The following MAGI2 variants were observed in gnomAD, a reference collection of about 807,000 sequenced individuals.
MAGI2 encodes membrane-associated guanylate kinase, WW and PDZ domain-containing protein 2.
MAGI2 carries 35 observed loss-of-function variants against 133.3 expected under a neutral mutation model. The observed-to-expected ratio is 0.26, with a 90% CI of 0.20 to 0.35. The LOEUF is 0.35. Among genes scored for constraint, MAGI2 ranks in the 10% least tolerant of loss-of-function variants. The probability of loss-of-function intolerance (pLI) is 1.00; values close to 1 mark genes in which losing one functional copy is unlikely to be tolerated. For missense variants in MAGI2, 1,636 were observed against 1,863.4 expected (o/e 0.88, Z 2.25); for synonymous variants, 729 against 710.6 (o/e 1.03, Z -0.41).
intron 6 of MAGI2, among the ~76,000 whole-genome samples, chr7:78,403,107 C>T (rs561385357): frequency 6.2e-4 from 94 of 152,220 alleles, no homozygotes; most frequent in Admixed American, 1.1e-3. Context: ...CCCATTAACT[C>T]GTCATTTACA....
At chr7:78,867,945 A>G (rs1424914664) in intron 2 of MAGI2, among the ~76,000 whole-genome samples, 1 of 152,088 alleles carries the variant, frequency 6.6e-6, no homozygotes, top group Non-Finnish European at 1.5e-5. Context: ...ACACAGCAGG[A>G]GTGATAATAA....
chr7:78,169,648 T>C (rs1489503099), intron 14 of MAGI2, among the ~76,000 whole-genome samples: 1 of 152,224 alleles, frequency 6.6e-6, no homozygotes, highest in Non-Finnish European at 1.5e-5. Flanking sequence ...ACACTACTTC[T>C]GCTTTCCCCT....
intron 20 of MAGI2, among the ~76,000 whole-genome samples, chr7:78,090,907 A>G (rs1223899342): frequency 6.6e-6 from 1 of 152,248 alleles, no homozygotes; most frequent in East Asian, 1.9e-4. Context: ...TCCTGTGAGA[A>G]GCACTGGGAA....
chr7:79,201,457 T>A (rs1292948280), intron 1 of MAGI2, among the ~76,000 whole-genome samples: 1 of 152,044 alleles, frequency 6.6e-6, no homozygotes, highest in East Asian at 1.9e-4. Context: ...TCAATATCAA[T>A]CTTTCTTTGG....
chr7:78,167,840 A>C, intron 15 of MAGI2, 76 bp downstream of exon 15: 2 of 1,380,718 alleles, frequency 1.4e-6, no homozygotes, highest in Non-Finnish European at 2.0e-6. Context: ...ATTTTGTTTC[A>C]TGTGGCCTTA....
At chr7:78,856,588 T>A (rs1242688084) in intron 2 of MAGI2, among the ~76,000 whole-genome samples, 1 of 152,172 alleles carries the variant, frequency 6.6e-6, no homozygotes, top group African/African-American at 2.4e-5. Context: ...TTCCGAGGGC[T>A]CTGTTCTGTT....
chr7:78,842,351 T>C (rs926726876), intron 2 of MAGI2, among the ~76,000 whole-genome samples: 1 of 151,944 alleles, frequency 6.6e-6, no homozygotes, highest in Non-Finnish European at 1.5e-5. Flanking sequence ...ATACAAATAC[T>C]TTTCTAAATT....
chr7:79,144,811 C>T (rs1000233737), intron 1 of MAGI2, among the ~76,000 whole-genome samples: 5 of 152,242 alleles, frequency 3.3e-5, no homozygotes, highest in East Asian at 1.9e-4. Context: ...CACAGTTTGC[C>T]GTTTAAAATT....
intron 2 of MAGI2, among the ~76,000 whole-genome samples, chr7:78,867,545 G>A (rs575283630): frequency 3.1e-4 from 44 of 142,782 alleles, no homozygotes; most frequent in African/African-American, 9.4e-4. Flanking sequence ...CTGCTGTGGC[G>A]TGGGGGGAGG....
chr7:78,521,331 ATG>A, intron 4 of MAGI2, 97 bp downstream of exon 4: 1 of 736,082 alleles, frequency 1.4e-6, no homozygotes, highest in South Asian at 1.9e-5. Flanking sequence ...TTATCTTACT[ATG>A]TATCTGTATA....
chr7:79,239,659 C>T (rs907305289), intron 1 of MAGI2, among the ~76,000 whole-genome samples: 4 of 152,158 alleles, frequency 2.6e-5, no homozygotes, highest in Non-Finnish European at 4.4e-5. Flanking sequence ...TGTTACTCTC[C>T]TACTGGACAT....
chr7:78,452,666 T>A (rs747561745), intron 6 of MAGI2, among the ~76,000 whole-genome samples: 5 of 151,580 alleles, frequency 3.3e-5, no homozygotes, highest in Non-Finnish European at 5.9e-5. Context: ...AAAGCAACCA[T>A]CCCTTTAAGA....
intron 2 of MAGI2, among the ~76,000 whole-genome samples, chr7:78,828,064 T>C (rs1241142318): frequency 6.6e-6 from 1 of 152,168 alleles, no homozygotes; most frequent in Non-Finnish European, 1.5e-5. Context: ...TTTGTATTTT[T>C]AGTAGAGACA....
rs1475893592 is a variant in MAGI2, at chr7:79,272,752, A to G, written c.301+180268T>C. 2.6e-5 allele frequency among the ~76,000 whole-genome samples: 4 copies of G among 152,040 alleles called. No individual in the cohort carries two copies. The South Asian group carries it at 6.2e-4, about 24-fold the overall frequency. On this transcript the variant is annotated intron_variant, in intron 1 of 21. Coordinates refer to ENST00000354212, the MANE Select transcript of MAGI2 (RefSeq NM_012301.4). Reference sequence around the variant, plus strand: ...TATTAATCTAATACCATAGTACTCTATGACTTAAACAAAACATAGAGTTTT... The same window carrying G: ...TATTAATCTAATACCATAGTACTCTGTGACTTAAACAAAACATAGAGTTTT...
chr7:79,270,406 G>A (rs1435134847), intron 1 of MAGI2, among the ~76,000 whole-genome samples: 1 of 152,160 alleles, frequency 6.6e-6, no homozygotes, highest in African/African-American at 2.4e-5. Context: ...TAGATGATCA[G>A]TTTCCTAACT....
At chr7:78,921,299 A>G (rs947979502) in intron 2 of MAGI2, among the ~76,000 whole-genome samples, 1 of 152,150 alleles carries the variant, frequency 6.6e-6, no homozygotes, top group East Asian at 1.9e-4. Flanking sequence ...CCACGTTCCT[A>G]AAGATATGAG....
At chr7:78,542,669 C>T (rs191946807) in intron 3 of MAGI2, among the ~76,000 whole-genome samples, 39 of 152,232 alleles carry the variant, frequency 2.6e-4, no homozygotes, top group Non-Finnish European at 4.6e-4. Flanking sequence ...AAAGAAGGAG[C>T]ATGTAGGCAC....
intron 2 of MAGI2, among the ~76,000 whole-genome samples, chr7:78,926,567 C>G (rs1301277284): frequency 1.3e-5 from 2 of 151,964 alleles, no homozygotes; most frequent in Non-Finnish European, 2.9e-5. Flanking sequence ...AATGCCCTTC[C>G]CAAGATTCCT....
At chr7:78,771,151 C>CCTCTCT in intron 2 of MAGI2, 1 of 152,070 alleles carries the variant, frequency 6.6e-6, no homozygotes, top group East Asian at 1.9e-4. Flanking sequence ...TCTGCCTCTC[C>CCTCTCT]CTCTCTCCCT....
Sources: allele counts gnomAD v4.1 joint callset (sites outside exome capture counted in the v4.1 genomes callset), GRCh38; gene constraint gnomAD v4.1.1; transcripts MANE v1.5; gene names NCBI Gene and HGNC (gene_info 2026-07-23, HGNC 2026-07-21).